Variants in KHDRBS3 observed in about 807,000 individuals in gnomAD.
The protein encoded by KHDRBS3 is KH domain-containing, RNA-binding, signal transduction-associated protein 3.
A neutral mutation model predicts 45.6 loss-of-function variants in KHDRBS3; 23 were observed. The ratio of observed to expected loss-of-function variants is 0.50; its 90% CI spans 0.36 to 0.72. The LOEUF is 0.72. Among genes scored for constraint, KHDRBS3 ranks in the 30% least tolerant of loss-of-function variants. KHDRBS3 has a pLI of 0.00. For synonymous variants in KHDRBS3, 162 were observed against 156.5 expected (o/e 1.04, Z -0.26); for missense variants, 352 against 424.8 (o/e 0.83, Z 1.51).
intron 7 of KHDRBS3, among the ~76,000 whole-genome samples, chr8:135,637,303 C>T (rs1407897865): frequency 1.3e-5 from 2 of 152,044 alleles, no homozygotes; most frequent in Non-Finnish European, 2.9e-5. Context: ...ATTTATTTTG[C>T]TTTATTTATA....
chr8:135,499,230 G>A (rs780159455), intron 1 of KHDRBS3, among the ~76,000 whole-genome samples: 66 of 152,198 alleles, frequency 4.3e-4, no homozygotes, highest in Non-Finnish European at 1.2e-4. Context: ...GGTAATACCA[G>A]TATCTTCTAT....
intron 1 of KHDRBS3, chr8:135,458,276 C>T: frequency 1.1e-6 from 1 of 912,184 alleles, no homozygotes; most frequent in Non-Finnish European, 1.4e-6. Flanking sequence ...TCGTTGGGAA[C>T]GAGGTTGAAT....
intron 1 of KHDRBS3, among the ~76,000 whole-genome samples, chr8:135,472,899 T>C (rs949373199): frequency 2.0e-5 from 3 of 152,190 alleles, no homozygotes; most frequent in East Asian, 3.8e-4. Context: ...GGAGGGATCC[T>C]TGTGGCTCTA....
rs530803248 is a variant in KHDRBS3 at position 135,614,717 on chromosome 8, C to CA, written c.890+7688dup. 5.7e-4 allele frequency among the ~76,000 whole-genome samples: 86 copies of CA among 150,272 alleles called. 3 individuals carry two copies. Among genetic ancestry groups the CA allele is most frequent in the African/African-American group, 1.8e-3 (72 of 40,610 alleles). On this transcript the variant is annotated intron_variant, in intron 7 of 8. Transcript: ENST00000355849. ...GACCCCATGGTAAGGGAAAAAAAAACAAAAAAAAGAGTAGAGACAGGGGTG... is the reference window on the plus strand; with the variant it reads ...GACCCCATGGTAAGGGAAAAAAAAACAAAAAAAAAGAGTAGAGACAGGGGTG...
At chr8:135,518,670 G>A (rs1824750461) in intron 1 of KHDRBS3, among the ~76,000 whole-genome samples, 1 of 152,214 alleles carries the variant, frequency 6.6e-6, no homozygotes, top group Non-Finnish European at 1.5e-5. Flanking sequence ...TAAAGCTGAA[G>A]TCATGAATTG....
chr8:135,645,992 A>ATTTTTTTT (rs57082119), intron 8 of KHDRBS3, among the ~76,000 whole-genome samples: 9 of 100,712 alleles, frequency 8.9e-5, no homozygotes, highest in African/African-American at 1.6e-4. Context: ...TGCACCTTGG[A>ATTTTTTTT]TTTTTTTTTT....
chr8:135,489,010 C>G (rs1402648006), intron 1 of KHDRBS3, among the ~76,000 whole-genome samples: 1 of 152,126 alleles, frequency 6.6e-6, no homozygotes, highest in Non-Finnish European at 1.5e-5. Context: ...AATAAAGGAA[C>G]TATTGTGTGT....
At chr8:135,579,131 T>C (rs1446068277) in intron 5 of KHDRBS3, among the ~76,000 whole-genome samples, 2 of 152,176 alleles carry the variant, frequency 1.3e-5, no homozygotes, top group East Asian at 1.9e-4. Context: ...GCCAGTGATG[T>C]CACCTGTGAA....
At chr8:135,477,261 T>G (rs1030130371) in intron 1 of KHDRBS3, among the ~76,000 whole-genome samples, 8 of 152,238 alleles carry the variant, frequency 5.3e-5, no homozygotes, top group Non-Finnish European at 1.0e-4. Flanking sequence ...TAGTGTTTAC[T>G]GATATGTAGC....
At chr8:135,654,419 A>G (rs1563834376) in intron 4 of KHDRBS3, among the ~76,000 whole-genome samples, 1 of 152,170 alleles carries the variant, frequency 6.6e-6, no homozygotes, top group Non-Finnish European at 1.5e-5. Flanking sequence ...AACCTATCTA[A>G]ATGCTACATG....
chr8:135,607,946 T>G (rs912487506), intron 7 of KHDRBS3, among the ~76,000 whole-genome samples: 2 of 152,198 alleles, frequency 1.3e-5, no homozygotes, highest in Non-Finnish European at 2.9e-5. Flanking sequence ...CTTCTATAAC[T>G]TGTAAGTTTT....
intron 7 of KHDRBS3, among the ~76,000 whole-genome samples, chr8:135,632,225 C>A (rs1259750738): frequency 6.6e-6 from 1 of 152,180 alleles, no homozygotes; most frequent in African/African-American, 2.4e-5. Flanking sequence ...TCAGTGACCT[C>A]CTCTGAGCAC....
chr8:135,625,055 T>A (rs1830297709), intron 7 of KHDRBS3: 1 of 538,188 alleles, frequency 1.9e-6, no homozygotes, highest in African/African-American at 1.9e-5. Flanking sequence ...AAATGCACTT[T>A]AACAAGAGGC....
At chr8:135,655,374 A>G (rs1365082165) in intron 4 of KHDRBS3, among the ~76,000 whole-genome samples, 1 of 152,214 alleles carries the variant, frequency 6.6e-6, no homozygotes, top group Non-Finnish European at 1.5e-5. Context: ...TAAAACCTGA[A>G]TGGAGTTTTG....
At chr8:135,498,194 A>G (rs1164220490) in intron 1 of KHDRBS3, among the ~76,000 whole-genome samples, 1 of 152,258 alleles carries the variant, frequency 6.6e-6, no homozygotes, top group Non-Finnish European at 1.5e-5. Context: ...GCTTTATTAC[A>G]TAAAACACAC....
chr8:135,625,560 C>T (rs1275386383), intron 7 of KHDRBS3: 5 of 933,320 alleles, frequency 5.4e-6, no homozygotes, highest in Non-Finnish European at 8.9e-6. Flanking sequence ...GCTGGAGCAA[C>T]GAGAGAGGGA....
At chr8:135,650,913 G>A (rs1021322026), downstream of KHDRBS3, among the ~76,000 whole-genome samples, 1 of 152,124 alleles carries the variant, frequency 6.6e-6, no homozygotes, top group Non-Finnish European at 1.5e-5. Context: ...TATTTACTCA[G>A]ATATATTTCC....
chr8:135,636,699 G>A (rs992478200), intron 7 of KHDRBS3, among the ~76,000 whole-genome samples: 3 of 152,110 alleles, frequency 2.0e-5, no homozygotes, highest in African/African-American at 7.2e-5. Context: ...CAACTGAATC[G>A]TCCTCACATT....
intron 2 of KHDRBS3, among the ~76,000 whole-genome samples, chr8:135,533,998 T>G (rs1825608301): frequency 6.6e-6 from 1 of 152,178 alleles, no homozygotes; most frequent in Admixed American, 6.5e-5. Context: ...AGTTTCCTAC[T>G]GCACGTGTTT....
Sources: gnomAD v4.1 joint callset for allele counts (sites outside exome capture counted in the v4.1 genomes callset) on GRCh38, gnomAD v4.1.1 for gene constraint, MANE v1.5 for transcripts, NCBI Gene and HGNC (gene_info 2026-07-23, HGNC 2026-07-21) for gene names.